Variants in MDGA2 observed in about 807,000 individuals in gnomAD.
MDGA2 encodes MAM domain-containing glycosylphosphatidylinositol anchor protein 2.
A neutral mutation model predicts 117.8 loss-of-function variants in MDGA2; 40 were observed. The observed-to-expected ratio is 0.34, with a 90% CI of 0.26 to 0.44. The LOEUF is 0.44. Ranked by LOEUF, MDGA2 falls within the 20% of genes least tolerant of loss-of-function variation. MDGA2 has a pLI of 1.00. For synonymous variants in MDGA2, 452 were observed against 439.0 expected (o/e 1.03, Z -0.37); for missense variants, 1,123 against 1,250.6 (o/e 0.90, Z 1.54).
intron 1 of MDGA2, among the ~76,000 whole-genome samples, chr14:47,642,059 TGG>T (rs1897435672): frequency 6.6e-6 from 1 of 151,920 alleles, no homozygotes; most frequent in African/African-American, 2.4e-5. Flanking sequence ...AATTGTAAAG[TGG>T]GGTAAAATAA....
At chr14:47,431,096 A>C (rs569885389) in intron 1 of MDGA2, among the ~76,000 whole-genome samples, 5 of 152,166 alleles carry the variant, frequency 3.3e-5, no homozygotes, top group South Asian at 2.1e-4. Flanking sequence ...ATAATGTGTG[A>C]TTGAATAGGT....
At chr14:47,308,381 A>G (rs1889525025) in intron 1 of MDGA2, among the ~76,000 whole-genome samples, 1 of 152,176 alleles carries the variant, frequency 6.6e-6, no homozygotes, top group Non-Finnish European at 1.5e-5. Context: ...TTGTACTTCT[A>G]GCACAACTGC....
At chr14:47,454,315 C>T (rs115180473) in intron 1 of MDGA2, among the ~76,000 whole-genome samples, 48 of 151,862 alleles carry the variant, frequency 3.2e-4, no homozygotes, top group South Asian at 8.3e-4. Context: ...TGTTTATTTA[C>T]GATGAAGGGG....
intron 1 of MDGA2, among the ~76,000 whole-genome samples, chr14:47,571,101 A>C: frequency 6.6e-6 from 1 of 152,164 alleles, no homozygotes; most frequent in Middle Eastern, 3.2e-3. Context: ...TGAAGGATAT[A>C]AACAGGCACT....
At chr14:47,155,885 CTTCTTTTTTTTTTTT>C (rs1883354562) in intron 3 of MDGA2, among the ~76,000 whole-genome samples, 7 of 80,400 alleles carry the variant, frequency 8.7e-5, no homozygotes, top group East Asian at 4.7e-4. Flanking sequence ...TCTTCTTCTT[CTTCTTTTTTTTTTTT>C]TTTTTTTTTT....
intron 1 of MDGA2, among the ~76,000 whole-genome samples, chr14:47,500,906 G>A (rs912586375): frequency 1.3e-5 from 2 of 151,628 alleles, no homozygotes; most frequent in African/African-American, 4.8e-5. Context: ...ATACAAAAAG[G>A]GTAATAAAAA....
intron 1 of MDGA2, among the ~76,000 whole-genome samples, chr14:47,526,133 T>C (rs997203306): frequency 2.6e-5 from 4 of 152,194 alleles, no homozygotes; most frequent in Non-Finnish European, 5.9e-5. Context: ...AAATTCTCCA[T>C]CTTTTTCTCT....
At position 46,998,082 on chromosome 14, in the gene MDGA2, AAG is replaced by A. The variant is rs1887364260; in HGVS notation, c.1819+36927_1819+36928del. 3.3e-5 allele frequency among the ~76,000 whole-genome samples: 5 copies of A among 152,268 alleles called. No homozygotes were observed. In the South Asian group the frequency reaches 1.0e-3, roughly 32 times the overall value. On this transcript the variant is annotated intron_variant, in intron 8 of 16. Transcript: ENST00000399232. ...AGAAATAGATGGAAGAGAAGGAAAA[AAG>A]AGTTATTTTTGAAGAGCCCTGAAGA...
intron 1 of MDGA2, among the ~76,000 whole-genome samples, chr14:47,625,508 G>C (rs878867758): frequency 2.0e-5 from 3 of 152,076 alleles, no homozygotes; most frequent in Admixed American, 6.6e-5. Flanking sequence ...GTCTAAAATA[G>C]GGTAACTGTG....
intron 1 of MDGA2, among the ~76,000 whole-genome samples, chr14:47,592,154 G>A (rs1177370512): frequency 6.6e-6 from 1 of 151,940 alleles, no homozygotes; most frequent in Non-Finnish European, 1.5e-5. Flanking sequence ...GCCGCAAAGA[G>A]AATAAAATAC....
intron 3 of MDGA2, among the ~76,000 whole-genome samples, chr14:47,175,472 C>G (rs895156203): frequency 2.3e-4 from 34 of 149,234 alleles, no homozygotes; most frequent in Non-Finnish European, 4.2e-4. Context: ...GGCTTCATCC[C>G]TGGGATGCAA....
At chr14:47,438,381 A>G (rs1268852454) in intron 1 of MDGA2, among the ~76,000 whole-genome samples, 1 of 152,164 alleles carries the variant, frequency 6.6e-6, no homozygotes, top group Non-Finnish European at 1.5e-5. Context: ...ACCACCTTCA[A>G]AGAAATATGG....
chr14:47,369,388 AG>A (rs888466797), intron 1 of MDGA2, among the ~76,000 whole-genome samples: 2 of 152,212 alleles, frequency 1.3e-5, no homozygotes, highest in South Asian at 2.1e-4. Flanking sequence ...CCTTAAAAAA[AG>A]TTCTGGAAAT....
At chr14:46,844,402 A>T (rs573898561) in intron 16 of MDGA2, among the ~76,000 whole-genome samples, 1 of 152,204 alleles carries the variant, frequency 6.6e-6, no homozygotes, top group South Asian at 2.1e-4. Context: ...CAACATGGTG[A>T]AACCGCGTCT....
At chr14:47,185,032 C>G (rs148964899) in intron 3 of MDGA2, among the ~76,000 whole-genome samples, 1 of 151,166 alleles carries the variant, frequency 6.6e-6, no homozygotes, top group East Asian at 1.9e-4. Context: ...AGAACTATGT[C>G]AAATATGTTT....
chr14:47,062,252 C>T (rs986351320), intron 6 of MDGA2, among the ~76,000 whole-genome samples: 45 of 151,952 alleles, frequency 3.0e-4, no homozygotes, highest in African/African-American at 9.7e-4. Context: ...CTCTCTAATG[C>T]GGATGACCAA....
chr14:47,551,278 C>A (rs766309559), intron 1 of MDGA2, among the ~76,000 whole-genome samples: 1 of 152,122 alleles, frequency 6.6e-6, no homozygotes, highest in South Asian at 2.1e-4. Context: ...CACAGACCAG[C>A]CTTTAACTTA....
At chr14:47,657,097 G>A (rs1897759794) in intron 1 of MDGA2, among the ~76,000 whole-genome samples, 1 of 152,164 alleles carries the variant, frequency 6.6e-6, no homozygotes, top group South Asian at 2.1e-4. Flanking sequence ...GATGCCAGCA[G>A]ATGATTCCAG....
rs368904763 is a variant in MDGA2, at chr14:47,144,211, T to C, written c.659A>G (p.Tyr220Cys). The C allele has an allele frequency of 7.7e-6, 12 of 1,551,240 alleles. No individual in the cohort carries two copies. The highest frequency in any genetic ancestry group is 1.4e-5 in the African/African-American group (1 of 73,030). The stretch of plus-strand genomic sequence containing the variant: ...ACACCGGAGGAACACTGTTCTCTCA[T>C]AGTAAAATTGTTCTTTAGCTTCACC... ...SIGEAKEQFY[Y>C]ERTVFLRCVA... The change falls in exon 4 of 17, where the codon TAT (tyrosine) becomes TGT (cysteine). Residue 220 changes from tyrosine (Y) to cysteine (C), a missense_variant. Tyr to Cys is a radical substitution (Grantham distance 194, BLOSUM62 -2). Coordinates refer to ENST00000399232, the MANE Select transcript of MDGA2 (RefSeq NM_001113498.3).
Sources: gnomAD v4.1 joint callset for allele counts (sites outside exome capture counted in the v4.1 genomes callset) on GRCh38, gnomAD v4.1.1 for gene constraint, MANE v1.5 for transcripts, NCBI Gene and HGNC (gene_info 2026-07-23, HGNC 2026-07-21) for gene names.